Variants in CHSY1 observed in about 807,000 individuals in gnomAD.
CHSY1 encodes N-acetylgalactosaminyl-proteoglycan 3-beta-glucuronosyltransferase 1.
A neutral mutation model predicts 59.8 loss-of-function variants in CHSY1; 13 were observed. The ratio of observed to expected loss-of-function variants is 0.22; its 90% CI spans 0.14 to 0.35. The LOEUF (loss-of-function observed/expected upper bound fraction) is 0.35. CHSY1 is among the 10% of genes least tolerant of loss of function. The pLI is 1.00. For missense variants in CHSY1, 947 were observed against 1,030.6 expected, an observed-to-expected ratio of 0.92 and a Z score of 1.11; for synonymous variants, 459 against 401.2, an observed-to-expected ratio of 1.14 and a Z score of -1.72.
chr15:101,208,133 T>C (rs1314844219), intron 2 of CHSY1, among the ~76,000 whole-genome samples: 1 of 152,166 alleles, frequency 6.6e-6, no homozygotes, highest in African/African-American at 2.4e-5. Context: ...GAAGAACCCT[T>C]TGGGGTTGAA....
chr15:101,245,384 G>C (rs1332598769), intron 1 of CHSY1, among the ~76,000 whole-genome samples: 1 of 152,144 alleles, frequency 6.6e-6, no homozygotes, highest in Non-Finnish European at 1.5e-5. Flanking sequence ...AAGGGTGGGA[G>C]TGTGGGTGAG....
intron 2 of CHSY1, among the ~76,000 whole-genome samples, chr15:101,223,883 C>T (rs1279453278): frequency 6.6e-6 from 1 of 152,252 alleles, no homozygotes; most frequent in Non-Finnish European, 1.5e-5. Context: ...TGATCATCTG[C>T]CCACTTTTAC....
chr15:101,251,346 C>T lies in CHSY1; in HGVS notation c.111G>A (p.Ala37=). 2 of 1,144,346 alleles carry T rather than the reference C, an allele frequency of 1.7e-6. No homozygotes were observed. The highest frequency in any genetic ancestry group is 2.2e-6 in the Non-Finnish European group (2 of 916,254). The allele number at this position is 1,144,346 out of a possible 1,614,324, so 70.9% of individuals were successfully genotyped here. Reference sequence around the variant, plus strand: ...CGGGGCTGGCGCGGCGCCGTGGGCCCGCTCGCTTCAGCTCGGAAGCCCGGG... The same window carrying T: ...CGGGGCTGGCGCGGCGCCGTGGGCCTGCTCGCTTCAGCTCGGAAGCCCGGG... ...VLPRASELKR[A]GPRRRASPEG... Residue 37 remains alanine (A), a synonymous_variant, in exon 1 of 3, where the codon GCG becomes GCA. Transcript: ENST00000254190.
Position 101,177,103 on chromosome 15 carries a change from CAAA to C in CHSY1, c.*282_*284del. 1 of 310,538 alleles carries C rather than the reference CAAA, an allele frequency of 3.2e-6. No individual in the cohort carries two copies. The highest frequency in any genetic ancestry group is 6.0e-6 in the Non-Finnish European group (1 of 167,012). 19.2% of individuals were successfully genotyped at this position (310,538 alleles called of 1,614,324 possible). A position where few individuals can be genotyped will look rare whatever the true frequency, so the allele number is the denominator to read the frequency against. ...CACGTTTTCTGCCATAGGACTGGAG[CAAA>C]GGGTCTCAAAAGAAAACATTTTTTT... On this transcript the variant is annotated 3_prime_UTR_variant, in exon 3 of 3. Transcript: ENST00000254190.
chr15:101,190,074 C>G (rs1235220427), intron 2 of CHSY1, among the ~76,000 whole-genome samples: 1 of 152,222 alleles, frequency 6.6e-6, no homozygotes, highest in East Asian at 1.9e-4. Context: ...AGGTTTTGAG[C>G]ACGACCCCTG....
intron 2 of CHSY1, among the ~76,000 whole-genome samples, chr15:101,193,909 G>A (rs1401734622): frequency 1.3e-5 from 2 of 152,140 alleles, no homozygotes; most frequent in Admixed American, 1.3e-4. Context: ...AGCAGGTGGG[G>A]CACTGAGTCC....
At chr15:101,189,950 A>G (rs557384917) in intron 2 of CHSY1, among the ~76,000 whole-genome samples, 1 of 152,354 alleles carries the variant, frequency 6.6e-6, no homozygotes, top group South Asian at 2.1e-4. Context: ...CTGCTCTAGA[A>G]GCCCTGGGGT....
At chr15:101,208,165 G>A (rs1295662150) in intron 2 of CHSY1, among the ~76,000 whole-genome samples, 3 of 152,136 alleles carry the variant, frequency 2.0e-5, no homozygotes, top group African/African-American at 2.4e-5. Flanking sequence ...AGTATCAGGG[G>A]GAACCCAAGG....
Position 101,235,976 on chromosome 15 carries a change from C to A in CHSY1, c.321-399G>T, listed in dbSNP as rs371043525. ...AAAAAATTTTCTTTGAACCAAGTGC[C>A]AAGTATGTGCTAAGCTAAAGGGATG... On this transcript the variant is annotated intron_variant, in intron 1 of 2. Transcript: ENST00000254190. 2.4e-4 allele frequency among the ~76,000 whole-genome samples: 37 copies of A among 152,242 alleles called. No individual in the cohort carries two copies. The South Asian group carries it at 4.4e-3, about 18-fold the overall frequency.
intron 2 of CHSY1, among the ~76,000 whole-genome samples, chr15:101,200,417 C>G (rs1236870049): frequency 6.6e-6 from 1 of 152,216 alleles, no homozygotes; most frequent in Non-Finnish European, 1.5e-5. Flanking sequence ...AGTCTCCTGA[C>G]TAATTTGGTC....
chr15:101,240,823 A>G (rs1356684903), intron 1 of CHSY1, among the ~76,000 whole-genome samples: 1 of 152,246 alleles, frequency 6.6e-6, no homozygotes, highest in African/African-American at 2.4e-5. Flanking sequence ...AAATGGGTTA[A>G]TATCATAGTC....
chr15:101,249,678 T>G (rs2141284821), intron 1 of CHSY1, among the ~76,000 whole-genome samples: 1 of 152,198 alleles, frequency 6.6e-6, no homozygotes, highest in South Asian at 2.1e-4. Flanking sequence ...CACACCCGGC[T>G]AATTTTTGTA....
intron 2 of CHSY1, among the ~76,000 whole-genome samples, chr15:101,193,355 G>C (rs2038469500): frequency 6.6e-6 from 1 of 152,258 alleles, no homozygotes; most frequent in Non-Finnish European, 1.5e-5. Flanking sequence ...ACCTGAGGGA[G>C]ACCAGACAGC....
chr15:101,217,387 G>A (rs571772145), intron 2 of CHSY1, among the ~76,000 whole-genome samples: 1 of 152,154 alleles, frequency 6.6e-6, no homozygotes, highest in Non-Finnish European at 1.5e-5. Flanking sequence ...ATACACATAG[G>A]TATTTCCATG....
In CHSY1 at chr15:101,235,515, G is replaced by A. The variant is rs1157483085; in HGVS notation, c.383C>T (p.Ser128Phe). The change falls in exon 2 of 3, where the codon TCT (serine) becomes TTT (phenylalanine). Residue 128 changes from serine to phenylalanine, a missense_variant. Ser to Phe is a radical substitution (Grantham distance 155). Transcript: ENST00000254190. ...QFFSSEGSDT[S>F]VPIPVVPLRG... is the part of the protein sequence containing the mutation. ...TAGTGGCACTACTGGAATTGGTACA[G>A]ATGTGTCAGAACCCTCACTTGAGAA... is the stretch of plus-strand genomic sequence containing the variant. 1 of 1,613,790 alleles carries A rather than the reference G, an allele frequency of 6.2e-7. No homozygotes were observed. The highest frequency in any genetic ancestry group is 2.2e-5 in the East Asian group (1 of 44,900).
At chr15:101,250,827 T>C (rs2039100675) in intron 1 of CHSY1, among the ~76,000 whole-genome samples, 1 of 152,212 alleles carries the variant, frequency 6.6e-6, no homozygotes, top group East Asian at 1.9e-4. Flanking sequence ...AGACCCGATC[T>C]GTCGGGCCCT....
intron 2 of CHSY1, chr15:101,188,012 C>T: frequency 1.0e-6 from 1 of 985,216 alleles, no homozygotes; most frequent in Non-Finnish European, 1.2e-6. Flanking sequence ...TCTTCATTAG[C>T]AAATGTCCTT....
chr15:101,243,470 T>C (rs2039022060), intron 1 of CHSY1, among the ~76,000 whole-genome samples: 2 of 152,204 alleles, frequency 1.3e-5, no homozygotes, highest in African/African-American at 2.4e-5. Flanking sequence ...ACCGTCTCCC[T>C]GAACTGAGGC....
rs764119538 is a variant in CHSY1, at chr15:101,177,365, G to A, written c.*23C>T. On this transcript the variant is annotated 3_prime_UTR_variant, in exon 3 of 3. Transcript: ENST00000254190. Reference sequence around the variant, plus strand: ...AAAAATAAATTAGATAATTAAAAACGTCTTTTCCAGCAAAGCTGGACATTA... The same window carrying A: ...AAAAATAAATTAGATAATTAAAAACATCTTTTCCAGCAAAGCTGGACATTA... 49 of 1,592,380 alleles carry A rather than the reference G, an allele frequency of 3.1e-5. No homozygotes were observed. Among genetic ancestry groups the A allele is most frequent in the Middle Eastern group, 1.7e-4 (1 of 5,938 alleles).
Sources: gnomAD v4.1 joint callset for allele counts (sites outside exome capture counted in the v4.1 genomes callset) on GRCh38, gnomAD v4.1.1 for gene constraint, MANE v1.5 for transcripts, NCBI Gene and HGNC (gene_info 2026-07-23, HGNC 2026-07-21) for gene names.